Variants in KCNG4 observed in about 807,000 individuals in gnomAD.
KCNG4 encodes the protein voltage-gated potassium channel regulatory subunit KCNG4.
Under a neutral mutation model 28.2 loss-of-function variants are expected in KCNG4, and 30 were observed. That is an observed-to-expected ratio of 1.06 (90% CI 0.80 to 1.44). The LOEUF (loss-of-function observed/expected upper bound fraction) is 1.44. Among genes scored for constraint, KCNG4 ranks in the 40% most tolerant of loss-of-function variants. The pLI is 0.00. For synonymous variants in KCNG4, 375 were observed against 315.5 expected, an observed-to-expected ratio of 1.19 and a Z score of -2.00; for missense variants, 879 against 712.3, an observed-to-expected ratio of 1.23 and a Z score of -2.66.
Position 84,236,946 on chromosome 16 carries a change from C to G in KCNG4, c.540G>C (p.Arg180Ser), listed in dbSNP as rs1334152799. The G allele has an allele frequency of 6.2e-7, 1 of 1,613,654 alleles. No homozygotes were observed. ...CCCTCTGCTGCCTCAGTACGTCCTC[C>G]CTGTGCAGCTTGGCCAGCTCCTCCA... The part of the protein sequence containing the change: ...EELEELAKLH[R>S]EDVLRQQRET... The change falls in exon 2 of 3, where the codon AGG becomes AGC. Residue 180 changes from arginine (R) to serine (S), a missense_variant. Transcript: ENST00000308251.
rs1297758494 is a variant in KCNG4 at position 84,224,245 on chromosome 16, TCACC to T, written c.757-1229_757-1226del. Among the ~76,000 whole-genome samples the T allele has an allele frequency of 1.6e-4, 25 of 152,304 alleles. No homozygotes were observed. The East Asian group carries it at 4.4e-3, about 27-fold the overall frequency. ...TCTCAAGCTTGGCTGCATGTTGGAA[TCACC>T]TGGGGGTTCCTTGAAACATTCTGTT... On this transcript the variant is annotated intron_variant, in intron 2 of 2. Coordinates refer to ENST00000308251, the MANE Select transcript of KCNG4 (RefSeq NM_172347.3).
chr16:84,230,249 A>G (rs1904794847), intron 2 of KCNG4, among the ~76,000 whole-genome samples: 2 of 152,108 alleles, frequency 1.3e-5, no homozygotes, highest in African/African-American at 4.8e-5. Context: ...TACTAAAAAT[A>G]CAAAAATTAG....
At chr16:84,232,787 T>A (rs111914302) in intron 2 of KCNG4, among the ~76,000 whole-genome samples, 24 of 151,586 alleles carry the variant, frequency 1.6e-4, no homozygotes, top group Admixed American at 4.0e-4. Flanking sequence ...TGGTCCCAGC[T>A]GCTCAGGAGG....
rs777359377 is a variant in KCNG4, at chr16:84,236,911, C to A, written c.575G>T (p.Arg192Leu). ...CCAGCGCGAGGAGTGCGAGGCGGGG[C>A]GGCGGGTCTCCCTCTGCTGCCTCAG... is the stretch of plus-strand genomic sequence containing the variant. Reference protein sequence around the residue: ...DVLRQQRETRRPASHSSRWGL... With the variant: ...DVLRQQRETRLPASHSSRWGL... Residue 192 changes from arginine (R) to leucine (L), a missense_variant, in exon 2 of 3, where the codon CGC becomes CTC. Physicochemically the swap from Arg to Leu is moderately radical, Grantham distance 102 (BLOSUM62 -2). Coordinates refer to ENST00000308251, the MANE Select transcript of KCNG4 (RefSeq NM_172347.3). The A allele has an allele frequency of 2.5e-6, 4 of 1,613,358 alleles. No individual in the cohort carries two copies. In the East Asian group the frequency reaches 6.7e-5, roughly 27 times the overall value.
Position 84,237,536 on chromosome 16 carries a change from A to G in KCNG4, c.-40-11T>C. 5 of 1,430,100 alleles carry G rather than the reference A, an allele frequency of 3.5e-6. No individual in the cohort carries two copies. Among genetic ancestry groups the G allele is most frequent in the Non-Finnish European group, 4.6e-6 (5 of 1,091,526 alleles). 88.6% of individuals were successfully genotyped at this position (1,430,100 alleles called of 1,614,324 possible). A position where few individuals can be genotyped will look rare whatever the true frequency, so the allele number is the denominator to read the frequency against. ...GCTGGGTTTACCAGTCTGACACCCAAGGGACAAAGAGCAAGCAAAAGGAAG... is the reference window on the plus strand; with the variant it reads ...GCTGGGTTTACCAGTCTGACACCCAGGGGACAAAGAGCAAGCAAAAGGAAG... On this transcript the variant is annotated splice_polypyrimidine_tract_variant and intron_variant, in intron 1 of 2. Coordinates refer to ENST00000308251, the MANE Select transcript of KCNG4 (RefSeq NM_172347.3).
chr16:84,232,150 G>A (rs1467802523), intron 2 of KCNG4, among the ~76,000 whole-genome samples: 4 of 152,236 alleles, frequency 2.6e-5, no homozygotes, highest in Non-Finnish European at 5.9e-5. Flanking sequence ...TCTTTGGAAC[G>A]TGTCTTTCTA....
intron 1 of KCNG4, among the ~76,000 whole-genome samples, 156 bp downstream of exon 1, chr16:84,239,514 C>G (rs772543405): frequency 6.6e-6 from 1 of 152,234 alleles, no homozygotes; most frequent in Non-Finnish European, 1.5e-5. Context: ...CCATCTACGG[C>G]TCTCCAAACA....
In KCNG4 at chr16:84,222,862, T is replaced by G. The variant is rs763982111; in HGVS notation, c.915A>C (p.Pro305=). Residue 305 remains proline, a synonymous_variant, in exon 3 of 3, where the codon CCA becomes CCC. Coordinates refer to ENST00000308251, the MANE Select transcript of KCNG4 (RefSeq NM_172347.3). ...CAGACACCGCCAGCGACACGTAGTA[T>G]GGGGAGATGGCCAGGATGTCGATGA... The part of the protein sequence containing the change: ...LNIIDILAIS[P]YYVSLAVSEE... 1.2e-6 allele frequency: 2 copies of G among 1,612,392 alleles called. No homozygotes were observed.
In KCNG4 at chr16:84,222,464, C is replaced by T. The variant is rs760929376; in HGVS notation, c.1313G>A (p.Ser438Asn). Residue 438 changes from serine to asparagine, a missense_variant, in exon 3 of 3, where the codon AGC (serine) becomes AAC (asparagine). Ser to Asn is a conservative substitution (Grantham distance 46). Transcript: ENST00000308251. ...SVPGQMVALS[S>N]ILSGILIMAF... ...CATGATGAGGATCCCGCTCAGGATG[C>T]TGCTGAGGGCCACCATCTGGCCTGG... 1 of 1,613,978 alleles carries T rather than the reference C, an allele frequency of 6.2e-7. No homozygotes were observed. The highest frequency in any genetic ancestry group is 2.2e-5 in the East Asian group (1 of 44,882).
rs775159241 is a variant in KCNG4, at chr16:84,222,661, G to A, written c.1116C>T (p.Gly372=). 18 of 1,613,190 alleles carry A rather than the reference G, an allele frequency of 1.1e-5. No individual in the cohort carries two copies. In the South Asian group the frequency reaches 1.8e-4, roughly 16 times the overall value. The change falls in exon 3 of 3, where the codon GGC becomes GGT. Residue 372 remains glycine, a synonymous_variant. Coordinates refer to ENST00000308251, the MANE Select transcript of KCNG4 (RefSeq NM_172347.3). ...LTVRRCTREF[G]LLLLFLAVAI... ...CCACGGCCAGGAAGAGAAGGAGCAGGCCGAACTCACGTGTGCAACGGCGCA... is the reference window on the plus strand; with the variant it reads ...CCACGGCCAGGAAGAGAAGGAGCAGACCGAACTCACGTGTGCAACGGCGCA...
In KCNG4 at chr16:84,223,264, T is replaced by C. The variant is rs1477883076; in HGVS notation, c.757-244A>G. Among the ~76,000 whole-genome samples the C allele has an allele frequency of 3.9e-5, 6 of 152,258 alleles. No individual in the cohort carries two copies. In the South Asian group the frequency reaches 1.0e-3, roughly 26 times the overall value. ...TATGACTAAGTCCTCACCTCCGGAC[T>C]GGAAACAGAAGTGATGCAAACCACC... On this transcript the variant is annotated intron_variant, in intron 2 of 2. Coordinates refer to ENST00000308251, the MANE Select transcript of KCNG4 (RefSeq NM_172347.3).
At chr16:84,231,694 T>C (rs1904831286) in intron 2 of KCNG4, among the ~76,000 whole-genome samples, 1 of 151,984 alleles carries the variant, frequency 6.6e-6, no homozygotes, top group South Asian at 2.1e-4. Context: ...CTGCCCTGGA[T>C]CTCCCAGTGC....
chr16:84,227,485 G>A (rs1904723808), intron 2 of KCNG4, among the ~76,000 whole-genome samples: 1 of 152,178 alleles, frequency 6.6e-6, no homozygotes, highest in Non-Finnish European at 1.5e-5. Flanking sequence ...GCTGAGGCAG[G>A]AGAATCACTT....
intron 2 of KCNG4, among the ~76,000 whole-genome samples, chr16:84,224,462 A>T (rs1189747327): frequency 3.3e-5 from 5 of 151,168 alleles, no homozygotes; most frequent in Non-Finnish European, 5.9e-5. Flanking sequence ...TTGATGGATG[A>T]ATGGATGAAT....
intron 2 of KCNG4, among the ~76,000 whole-genome samples, chr16:84,232,246 C>T (rs544071442): frequency 2.8e-4 from 42 of 152,184 alleles, no homozygotes; most frequent in South Asian, 1.2e-3. Flanking sequence ...TAGTATTCGG[C>T]CATGAAGAGG....
In KCNG4 at chr16:84,237,190, T is replaced by C; in HGVS notation, c.296A>G (p.Gln99Arg). Residue 99 changes from glutamine to arginine, a missense_variant, in exon 2 of 3, where the codon CAG becomes CGG. Physicochemically the swap from Gln to Arg is conservative, Grantham distance 43 (BLOSUM62 1). Coordinates refer to ENST00000308251, the MANE Select transcript of KCNG4 (RefSeq NM_172347.3). ...GTCCTCGTCGTAATCATCGCAGAGC[T>C]GCACGATCTCCTCGTAGCTCCGACA... Reference protein sequence around the residue: ...RLCRSYEEIVQLCDDYDEDSQ... With the variant: ...RLCRSYEEIVRLCDDYDEDSQ... 1 of 1,614,166 alleles carries C rather than the reference T, an allele frequency of 6.2e-7. No individual in the cohort carries two copies. The highest frequency in any genetic ancestry group is 8.5e-7 in the Non-Finnish European group (1 of 1,180,038).
At chr16:84,238,385 C>T (rs1460056053) in intron 1 of KCNG4, among the ~76,000 whole-genome samples, 1 of 152,232 alleles carries the variant, frequency 6.6e-6, no homozygotes, top group Non-Finnish European at 1.5e-5. Flanking sequence ...TCAGGAGGAA[C>T]TCCACCAGTC....
At chr16:84,224,254 G>T (rs752237527) in intron 2 of KCNG4, among the ~76,000 whole-genome samples, 1 of 152,078 alleles carries the variant, frequency 6.6e-6, no homozygotes, top group Non-Finnish European at 1.5e-5. Flanking sequence ...ATCACCTGGG[G>T]GTTCCTTGAA....
intron 1 of KCNG4, among the ~76,000 whole-genome samples, chr16:84,237,756 A>G (rs1364552111): frequency 6.6e-6 from 1 of 152,212 alleles, no homozygotes; most frequent in African/African-American, 2.4e-5. Flanking sequence ...CCGACATCTC[A>G]GAAGGATGTC....
Sources: allele counts gnomAD v4.1 joint callset (sites outside exome capture counted in the v4.1 genomes callset), GRCh38; gene constraint gnomAD v4.1.1; transcripts MANE v1.5; gene names NCBI Gene and HGNC (gene_info 2026-07-23, HGNC 2026-07-21).